Variants in MEI1 observed in about 807,000 individuals in gnomAD.
MEI1 encodes meiotic double-stranded break formation protein 1, also known as meiosis inhibitor protein 1.
MEI1 carries 103 observed loss-of-function variants against 146.2 expected under a neutral mutation model. That is an observed-to-expected ratio of 0.70 (90% CI 0.60 to 0.83). The LOEUF (loss-of-function observed/expected upper bound fraction) is 0.83. Among genes scored for constraint, MEI1 ranks in the 40% least tolerant of loss-of-function variants. The probability of loss-of-function intolerance (pLI) is 0.00; values close to 1 mark genes in which losing one functional copy is unlikely to be tolerated. For synonymous variants in MEI1, 652 were observed against 628.2 expected (o/e 1.04, Z -0.57); for missense variants, 1,529 against 1,533.0 (o/e 1.00, Z 0.04).
intron 12 of MEI1, 72 bp downstream of exon 12, chr22:41,743,266 T>C (rs1747089589): frequency 9.3e-7 from 1 of 1,070,540 alleles, no homozygotes; most frequent in Non-Finnish European, 1.4e-6. Context: ...ATTAGTATAT[T>C]CCCTTACTTT....
intron 26 of MEI1, among the ~76,000 whole-genome samples, chr22:41,792,494 T>G (rs934314113): frequency 6.6e-6 from 1 of 152,174 alleles, no homozygotes; most frequent in Non-Finnish European, 1.5e-5. Context: ...CCCCCAGGAA[T>G]GGAGCACGGT....
At chr22:41,780,234 C>T (rs1182679848) in intron 22 of MEI1, among the ~76,000 whole-genome samples, 1 of 152,132 alleles carries the variant, frequency 6.6e-6, no homozygotes, top group Non-Finnish European at 1.5e-5. Context: ...ACATATAATC[C>T]TTGAGCACTT....
intron 4 of MEI1, 95 bp from the exon 5 acceptor site, chr22:41,715,946 A>G (rs2070107581): frequency 3.5e-6 from 3 of 846,334 alleles, no homozygotes; most frequent in African/African-American, 1.7e-5. Context: ...AGACACATGC[A>G]ATACAGGCAT....
At chr22:41,793,681 A>AACAT in intron 26 of MEI1, 148 bp from the exon 27 acceptor site, 1 of 673,640 alleles carries the variant, frequency 1.5e-6, no homozygotes, top group East Asian at 2.7e-5. Context: ...GAAGCCAATA[A>AACAT]ACATTTCTTG....
At chr22:41,709,316 T>A in intron 3 of MEI1, 1 of 784,814 alleles carries the variant, frequency 1.3e-6, no homozygotes. Flanking sequence ...AGCATCCACT[T>A]TTCCCTTTTT....
At chr22:41,798,401 AC>A (rs773065919) in intron 30 of MEI1, among the ~76,000 whole-genome samples, 1 of 151,958 alleles carries the variant, frequency 6.6e-6, no homozygotes, top group Non-Finnish European at 1.5e-5. Flanking sequence ...ACATGGTGAA[AC>A]CCCATCTCTA....
chr22:41,754,030 ACCAC>A lies in MEI1; in HGVS notation c.1937_1940del (p.Pro646LeufsTer20). On this transcript the variant is annotated frameshift_variant, in exon 17 of 31. Coordinates refer to ENST00000401548, the MANE Select transcript of MEI1 (RefSeq NM_152513.4). LOFTEE classifies it high-confidence loss of function. ...TTCTCTCAGCTCCAGAGAAGACAGG[ACCAC>A]CTTCCAAAGAAGGTAAGATGCTACA... The A allele has an allele frequency of 1.9e-6, 3 of 1,612,146 alleles. No individual in the cohort carries two copies. The highest frequency in any genetic ancestry group is 2.5e-6 in the Non-Finnish European group (3 of 1,178,250).
chr22:41,780,206 A>T (rs2075682793), intron 22 of MEI1, among the ~76,000 whole-genome samples: 1 of 152,202 alleles, frequency 6.6e-6, no homozygotes, highest in Non-Finnish European at 1.5e-5. Context: ...CCCACACATG[A>T]AATGTAATAG....
intron 6 of MEI1, among the ~76,000 whole-genome samples, chr22:41,718,811 G>C (rs761098471): frequency 1.3e-5 from 2 of 152,056 alleles, no homozygotes; most frequent in Non-Finnish European, 2.9e-5. Flanking sequence ...GTCATCCCAT[G>C]GTGGAAGGGC....
chr22:41,783,068 T>C (rs1269961997), intron 24 of MEI1, among the ~76,000 whole-genome samples: 1 of 152,208 alleles, frequency 6.6e-6, no homozygotes, highest in Non-Finnish European at 1.5e-5. Flanking sequence ...AGCCTTACTT[T>C]CTGCCATTCC....
intron 11 of MEI1, among the ~76,000 whole-genome samples, chr22:41,735,752 C>A (rs1254010968): frequency 6.6e-6 from 1 of 152,114 alleles, no homozygotes; most frequent in Non-Finnish European, 1.5e-5. Context: ...TCTGTTGACT[C>A]CATCACCTTT....
intron 30 of MEI1, among the ~76,000 whole-genome samples, chr22:41,796,395 C>A (rs1269136169): frequency 6.7e-6 from 1 of 150,262 alleles, no homozygotes; most frequent in Non-Finnish European, 1.5e-5. Flanking sequence ...AGGGTTTCAC[C>A]ATATTGGACA....
intron 18 of MEI1, among the ~76,000 whole-genome samples, chr22:41,759,881 A>T (rs1208749127): frequency 6.6e-6 from 1 of 152,104 alleles, no homozygotes; most frequent in Non-Finnish European, 1.5e-5. Flanking sequence ...GCCGTAAGAA[A>T]TAATTTATTG....
chr22:41,763,352 C>T lies in MEI1; in HGVS notation c.2268+31C>T, dbSNP rs368786328. On this transcript the variant is annotated intron_variant, in intron 19 of 30. Coordinates refer to ENST00000401548, the MANE Select transcript of MEI1 (RefSeq NM_152513.4). ...GACCACAATGCCTGGGCTCCTTGTC[C>T]TTCTGTACCTCTTTACATTAGTGTT... The T allele has an allele frequency of 3.6e-4, 578 of 1,608,946 alleles. 1 individual carries two copies. The highest frequency in any genetic ancestry group is 5.7e-4 in the Admixed American group (34 of 59,612).
At position 41,753,625 on chromosome 22, in the gene MEI1, G is replaced by A. The variant is rs1444297967; in HGVS notation, c.1854-324G>A. On this transcript the variant is annotated intron_variant, in intron 16 of 30. Transcript: ENST00000401548. ...TTCCTGAGTAGCTAGGATTACAGGT[G>A]TGTGCCACCACGCCAGGCTAATTTT... The A allele has an allele frequency of 4.4e-5, 8 of 183,572 alleles. No individual in the cohort carries two copies. The South Asian group carries it at 9.9e-4, about 23-fold the overall frequency. The allele number at this position is 183,572 out of a possible 1,614,324, so 11.4% of individuals were successfully genotyped here. A position where few individuals can be genotyped will look rare whatever the true frequency, so the allele number is the denominator to read the frequency against.
intron 24 of MEI1, 88 bp downstream of exon 24, chr22:41,781,933 G>C: frequency 1.4e-6 from 2 of 1,460,192 alleles, no homozygotes; most frequent in Non-Finnish European, 9.4e-7. Context: ...AGCTCTGGGG[G>C]CTTATTAGCT....
chr22:41,722,211 C>T (rs2147441363), intron 6 of MEI1: 1 of 151,930 alleles, frequency 6.6e-6, no homozygotes, highest in South Asian at 2.1e-4. Context: ...CCTTTGGACC[C>T]TTGAAGCACC....
chr22:41,732,174 C>A (rs975948036), intron 9 of MEI1, 71 bp from the exon 10 acceptor site: 4 of 1,246,334 alleles, frequency 3.2e-6, no homozygotes, highest in East Asian at 2.5e-5. Context: ...AGCCTGTCAC[C>A]TCTTCTGGGT....
intron 5 of MEI1, among the ~76,000 whole-genome samples, chr22:41,717,600 C>CTTTTTCT (rs2070327339): frequency 1.3e-5 from 2 of 150,628 alleles, no homozygotes; most frequent in Non-Finnish European, 3.0e-5. Context: ...ACCTGGCTTT[C>CTTTTTCT]TTTTTCTTTT....
Sources: allele counts gnomAD v4.1 joint callset (sites outside exome capture counted in the v4.1 genomes callset), GRCh38; gene constraint gnomAD v4.1.1; transcripts MANE v1.5; gene names NCBI Gene and HGNC (gene_info 2026-07-23, HGNC 2026-07-21).